SYNE1: variants seen among roughly 807,000 people sequenced by gnomAD.
SYNE1 encodes the protein nesprin-1.
A neutral mutation model predicts 1,111.0 loss-of-function variants in SYNE1; 616 were observed. The ratio of observed to expected loss-of-function variants is 0.55; its 90% CI spans 0.52 to 0.59. SYNE1 has a LOEUF of 0.59. Ranked by LOEUF, SYNE1 falls within the 20% of genes least tolerant of loss-of-function variation. SYNE1 has a pLI of 0.00. For synonymous variants in SYNE1, 3,855 were observed against 3,825.8 expected, an observed-to-expected ratio of 1.01 and a Z score of -0.28; for missense variants, 10,006 against 10,417.0, an observed-to-expected ratio of 0.96 and a Z score of 1.72.
chr6:152,582,546 G>T (rs902735457), intron 3 of SYNE1, among the ~76,000 whole-genome samples: 1 of 151,440 alleles, frequency 6.6e-6, no homozygotes, highest in Non-Finnish European at 1.5e-5. Context: ...GGTTACCAGT[G>T]CTCAAAACTT....
intron 123 of SYNE1, 87 bp from the exon 124 acceptor site, chr6:152,211,675 T>C (rs966243846): frequency 8.7e-7 from 1 of 1,151,528 alleles, no homozygotes; most frequent in Non-Finnish European, 1.3e-6. Context: ...ATTCTAGTTT[T>C]CGCAAGACTA....
intron 101 of SYNE1, among the ~76,000 whole-genome samples, chr6:152,261,573 G>A (rs952650336): frequency 1.3e-5 from 2 of 152,042 alleles, no homozygotes; most frequent in African/African-American, 4.8e-5. Context: ...ACCCACCAAC[G>A]TCCCAATATG....
intron 95 of SYNE1, among the ~76,000 whole-genome samples, chr6:152,289,695 C>T (rs2094491282): frequency 6.6e-6 from 1 of 152,152 alleles, no homozygotes; most frequent in African/African-American, 2.4e-5. Flanking sequence ...GGCGCAATCT[C>T]GGTTCACTGC....
At chr6:152,198,855 A>T (rs2074752635) in intron 127 of SYNE1, among the ~76,000 whole-genome samples, 1 of 152,208 alleles carries the variant, frequency 6.6e-6, no homozygotes, top group Admixed American at 6.5e-5. Context: ...CAAATATAAC[A>T]GTAAAGAAAA....
rs143120531 is a variant in SYNE1, at chr6:152,481,503, T to C, written c.1350+1582A>G. On this transcript the variant is annotated intron_variant, in intron 14 of 145. Coordinates refer to ENST00000367255, the MANE Select transcript of SYNE1 (RefSeq NM_182961.4). ...ACTAGAATCCTAATCCCCACCATTA[T>C]GTAATATACTCATGTAAGAAACATG... is the stretch of plus-strand genomic sequence containing the variant. The C allele has an allele frequency of 2.2e-3, 964 of 433,580 alleles. 12 individuals are homozygous for C. Among genetic ancestry groups the C allele is most frequent in the African/African-American group, 0.018 (883 of 49,240 alleles). The allele number at this position is 433,580 out of a possible 1,614,324, so 26.9% of individuals were successfully genotyped here.
intron 107 of SYNE1, among the ~76,000 whole-genome samples, chr6:152,241,796 G>A (rs926749224): frequency 2.0e-5 from 3 of 152,138 alleles, no homozygotes; most frequent in African/African-American, 7.2e-5. Flanking sequence ...GAGTGAGCGA[G>A]GAGTCCTTGA....
rs1018263344 is a variant in SYNE1 at position 152,407,259 on chromosome 6, C to G, written c.6541-63G>C. On this transcript the variant is annotated intron_variant, in intron 44 of 145. Transcript: ENST00000367255. ...AGGCGTAAGATGATCATCCCCCAAC[C>G]AAAGTACCAATGCTTCTTTTATCAG... 13 of 1,480,436 alleles carry G rather than the reference C, an allele frequency of 8.8e-6. No individual in the cohort carries two copies. In the South Asian group the frequency reaches 1.3e-4, roughly 14 times the overall value. 91.7% of individuals were successfully genotyped at this position (1,480,436 alleles called of 1,614,324 possible). A position where few individuals can be genotyped will look rare whatever the true frequency, so the allele number is the denominator to read the frequency against.
In SYNE1 at chr6:152,506,634, C is replaced by T. The variant is rs546917488; in HGVS notation, c.582-1237G>A. 2.0e-5 allele frequency among the ~76,000 whole-genome samples: 3 copies of T among 152,050 alleles called. No homozygotes were observed. The South Asian group carries it at 6.2e-4, about 32-fold the overall frequency. Reference sequence around the variant, plus strand: ...TCGGCTCACTGCAACCTCCACCCCCCAGGCTCAAGGGATTCTTGCACCTCA... The same window carrying T: ...TCGGCTCACTGCAACCTCCACCCCCTAGGCTCAAGGGATTCTTGCACCTCA... On this transcript the variant is annotated intron_variant, in intron 8 of 145. Transcript: ENST00000367255.
In SYNE1 at chr6:152,381,235, C is replaced by A. The variant is rs148998248; in HGVS notation, c.8780G>T (p.Arg2927Leu). The A allele has an allele frequency of 6.2e-7, 1 of 1,614,098 alleles. No individual in the cohort carries two copies. Among genetic ancestry groups the A allele is most frequent in the Non-Finnish European group, 8.5e-7 (1 of 1,180,048 alleles). ...ELMHTEMQAL[R>L]ADWKQWEDSV... ...GTCTTCCCACTGCTTCCAGTCGGCA[C>A]GCAGGGCCTGCATCTCCGTGTGCAT... The change falls in exon 56 of 146, where the codon CGT becomes CTT. Residue 2927 changes from arginine to leucine, a missense_variant. Arg to Leu is a moderately radical substitution (Grantham distance 102). Transcript: ENST00000367255.
intron 142 of SYNE1, chr6:152,134,861 G>A (rs1477843409): frequency 1.2e-5 from 6 of 503,290 alleles, no homozygotes; most frequent in African/African-American, 1.2e-4. Flanking sequence ...AGAACACTAA[G>A]ATTTTTACAA....
chr6:152,257,535 C>T (rs2091117719), intron 101 of SYNE1, among the ~76,000 whole-genome samples: 1 of 152,024 alleles, frequency 6.6e-6, no homozygotes, highest in Admixed American at 6.6e-5. Context: ...TGTTTCAAAA[C>T]ACACAAAAGA....
chr6:152,136,623 A>G lies in SYNE1; in HGVS notation c.25654T>C (p.Cys8552Arg), dbSNP rs1432731171. ...RGLLQDALMQ[C>R]QGFHEMSHGL... ...CTGCCCAAAGCTCTACAGACCTGGC[A>G]CTGCATCAGGGCATCCTGCAGCAGG... Residue 8552 changes from cysteine to arginine, a missense_variant, in exon 141 of 146, where the codon TGC becomes CGC. By Grantham distance (180) the Cys-to-Arg change is radical. Around this residue, in one of 7 missense-constraint regions of SYNE1, gnomAD observed 761 missense variants for 795.5 expected, o/e 0.96. Coordinates refer to ENST00000367255, the MANE Select transcript of SYNE1 (RefSeq NM_182961.4). The G allele has an allele frequency of 2.5e-6, 4 of 1,613,314 alleles. No homozygotes were observed. The highest frequency in any genetic ancestry group is 3.7e-4 in the Middle Eastern group (2 of 5,390).
chr6:152,492,103 G>A (rs140887604), intron 11 of SYNE1, among the ~76,000 whole-genome samples: 11 of 152,124 alleles, frequency 7.2e-5, no homozygotes, highest in East Asian at 3.9e-4. Context: ...GCTCTTTTTC[G>A]TCAAGTATAA....
chr6:152,322,959 G>C (rs994889528), intron 82 of SYNE1, among the ~76,000 whole-genome samples: 1 of 152,144 alleles, frequency 6.6e-6, no homozygotes, highest in Non-Finnish European at 1.5e-5. Context: ...ACGGCATGAA[G>C]GTAGACACTG....
At chr6:152,508,802 A>T (rs2099070827) in intron 8 of SYNE1, among the ~76,000 whole-genome samples, 1 of 152,230 alleles carries the variant, frequency 6.6e-6, no homozygotes, top group Non-Finnish European at 1.5e-5. Flanking sequence ...GTTTTCAGAA[A>T]TATATTTGAC....
intron 36 of SYNE1, among the ~76,000 whole-genome samples, chr6:152,428,952 A>T (rs2098401446): frequency 6.6e-6 from 1 of 152,070 alleles, no homozygotes. Context: ...GAAGATTATT[A>T]GTCATTTTAT....
intron 3 of SYNE1, among the ~76,000 whole-genome samples, chr6:152,554,243 A>G (rs763349852): frequency 2.0e-5 from 3 of 152,150 alleles, no homozygotes; most frequent in Non-Finnish European, 4.4e-5. Context: ...CACGGTCCCA[A>G]TAATAATGAG....
At position 152,369,518 on chromosome 6, in the gene SYNE1, G is replaced by A. The variant is rs749550071; in HGVS notation, c.9604C>T (p.Arg3202Cys). The change falls in exon 60 of 146, where the codon CGC becomes TGC. Residue 3202 changes from arginine to cysteine, a missense_variant. Transcript: ENST00000367255. Reference protein sequence around the residue: ...TEKMVHESSNRLYDLPAKRRE... With the variant: ...TEKMVHESSNCLYDLPAKRRE... ...CTCTTTGCTGGCAGATCATAGAGGCGATTGCTGCTTTCATGGACCATCTTC... is the reference window on the plus strand; with the variant it reads ...CTCTTTGCTGGCAGATCATAGAGGCAATTGCTGCTTTCATGGACCATCTTC... 135 of 1,614,052 alleles carry A rather than the reference G, an allele frequency of 8.4e-5. No individual in the cohort carries two copies. The highest frequency in any genetic ancestry group is 1.9e-4 in the African/African-American group (14 of 74,916).
intron 10 of SYNE1, among the ~76,000 whole-genome samples, chr6:152,499,951 T>C (rs1391437942): frequency 6.6e-6 from 1 of 152,224 alleles, no homozygotes; most frequent in Non-Finnish European, 1.5e-5. Context: ...ATCAATAGAT[T>C]GTGTGTTTCG....
Sources: gnomAD v4.1 joint callset for allele counts (sites outside exome capture counted in the v4.1 genomes callset) on GRCh38, gnomAD v4.1.1 for gene constraint, gnomAD v4.1.1 regional missense constraint, MANE v1.5 for transcripts, NCBI Gene and HGNC (gene_info 2026-07-23, HGNC 2026-07-21) for gene names.